Variants in PEX19 observed in about 807,000 individuals in gnomAD.
PEX19 encodes 33 kDa housekeeping protein.
A neutral mutation model predicts 36.3 loss-of-function variants in PEX19; 29 were observed. The observed-to-expected ratio is 0.80, with a 90% CI of 0.60 to 1.09. PEX19 has a LOEUF of 1.09. Ranked by LOEUF, PEX19 falls within the 50% of genes least tolerant of loss-of-function variation. PEX19 has a pLI of 0.00. For synonymous variants in PEX19, 141 were observed against 135.2 expected, an observed-to-expected ratio of 1.04 and a Z score of -0.30; for missense variants, 396 against 368.1, an observed-to-expected ratio of 1.08 and a Z score of -0.62.
chr1:160,282,364 G>A (rs1657806568), intron 4 of PEX19, 53 bp downstream of exon 4: 1 of 1,478,670 alleles, frequency 6.8e-7, no homozygotes, highest in Non-Finnish European at 9.5e-7. Flanking sequence ...AGACTCTGCT[G>A]GAGAAATGTC....
Position 160,277,988 on chromosome 1 carries a change from C to G in PEX19, c.*1563G>C, listed in dbSNP as rs757853391. The G allele has an allele frequency of 1.4e-6, 1 of 698,592 alleles. No individual in the cohort carries two copies. The highest frequency in any genetic ancestry group is 2.7e-5 in the East Asian group (1 of 37,024). 43.3% of individuals were successfully genotyped at this position (698,592 alleles called of 1,614,324 possible). ...ACCAATACCATAAAACATGTAAGGT[C>G]TTCAAGGGGTGAAAAGTTTTAACCT... On this transcript the variant is annotated 3_prime_UTR_variant, in exon 8 of 8. Transcript: ENST00000368072.
At position 160,279,206 on chromosome 1, in the gene PEX19, G is replaced by A. The variant is rs995771421; in HGVS notation, c.*345C>T. ...GAGACAAGGCACAAAGACCCTGGAC[G>A]TAAAGGTGAACATCAGTGTGGCCAC... On this transcript the variant is annotated 3_prime_UTR_variant, in exon 8 of 8. Transcript: ENST00000368072. 2.5e-5 allele frequency: 12 copies of A among 473,236 alleles called. No individual in the cohort carries two copies. Among genetic ancestry groups the A allele is most frequent in the Non-Finnish European group, 3.3e-5 (8 of 239,696 alleles). The allele number at this position is 473,236 out of a possible 1,614,324, so 29.3% of individuals were successfully genotyped here.
At chr1:160,284,567 A>C (rs1339971152) in intron 1 of PEX19, among the ~76,000 whole-genome samples, 1 of 152,234 alleles carries the variant, frequency 6.6e-6, no homozygotes, top group Admixed American at 6.5e-5. Context: ...AGAACTGTTA[A>C]GGGGCCTAAC....
In PEX19 at chr1:160,279,496, GCT is replaced by G. The variant is rs1295757231; in HGVS notation, c.*53_*54del. 7.0e-7 allele frequency: 1 copy of G among 1,419,520 alleles called. No homozygotes were observed. The highest frequency in any genetic ancestry group is 1.0e-6 in the Non-Finnish European group (1 of 1,003,714). 87.9% of individuals were successfully genotyped at this position (1,419,520 alleles called of 1,614,324 possible). A position where few individuals can be genotyped will look rare whatever the true frequency, so the allele number is the denominator to read the frequency against. On this transcript the variant is annotated 3_prime_UTR_variant, in exon 8 of 8. Transcript: ENST00000368072. ...TCCTGCCTCAGGTCCCAATGGTTCT[GCT>G]GACTCCAGATGTTCCCCATAGCTGG...
At chr1:160,283,460 GC>G in intron 2 of PEX19, 69 bp downstream of exon 2, 1 of 1,141,014 alleles carries the variant, frequency 8.8e-7, no homozygotes, top group Non-Finnish European at 1.3e-6. Flanking sequence ...GCCCATAGGG[GC>G]CTGCCCAACC....
rs1243733740 is a variant in PEX19 at position 160,282,402 on chromosome 1, C to A, written c.432+15G>T. On this transcript the variant is annotated intron_variant, in intron 4 of 7. Transcript: ENST00000368072. The stretch of plus-strand genomic sequence containing the variant: ...GGAGTGGACCCCTTGTGGGCCCCTA[C>A]TACTTTCTCCTCACCTGAAGGTCAG... 1.2e-6 allele frequency: 2 copies of A among 1,602,714 alleles called. No homozygotes were observed. Among genetic ancestry groups the A allele is most frequent in the East Asian group, 2.2e-5 (1 of 44,850 alleles).
intron 5 of PEX19, among the ~76,000 whole-genome samples, 185 bp downstream of exon 5, chr1:160,281,854 A>G (rs1657782534): frequency 6.6e-6 from 1 of 152,182 alleles, no homozygotes; most frequent in Non-Finnish European, 1.5e-5. Context: ...ATACCGTGTG[A>G]CAGCTTTATT....
At position 160,277,279 on chromosome 1, in the gene PEX19, G is replaced by A. The variant is rs1252738160; in HGVS notation, c.*2272C>T. Reference sequence around the variant, plus strand: ...AAAAACTTTTTAGCATTTCAATGTTGCTGTGATATCCAAGTACATGATCAA... The same window carrying A: ...AAAAACTTTTTAGCATTTCAATGTTACTGTGATATCCAAGTACATGATCAA... On this transcript the variant is annotated 3_prime_UTR_variant, in exon 8 of 8. Transcript: ENST00000368072. 2 of 455,532 alleles carry A rather than the reference G, an allele frequency of 4.4e-6. No individual in the cohort carries two copies. The highest frequency in any genetic ancestry group is 4.0e-5 in the African/African-American group (2 of 49,928). The allele number at this position is 455,532 out of a possible 1,614,324, so 28.2% of individuals were successfully genotyped here. A position where few individuals can be genotyped will look rare whatever the true frequency, so the allele number is the denominator to read the frequency against.
rs907000189 is a variant in PEX19 at position 160,280,258 on chromosome 1, G to A, written c.595-12C>T. ...AACCATTCTGGATACTAAGAAAAGA[G>A]AGAATGGGTGGAAAAGAATTAAGTG... On this transcript the variant is annotated splice_polypyrimidine_tract_variant and intron_variant, in intron 5 of 7. Transcript: ENST00000368072. 85 of 1,610,060 alleles carry A rather than the reference G, an allele frequency of 5.3e-5. No individual in the cohort carries two copies. Among genetic ancestry groups the A allele is most frequent in the Non-Finnish European group, 7.0e-5 (82 of 1,176,384 alleles).
Position 160,278,379 on chromosome 1 carries a change from G to A in PEX19, c.*1172C>T, listed in dbSNP as rs1337445231. ...GCAGACTGAGTTGTGGAAGGTGGGT[G>A]TTGATGGAACCCAGCATTACAATAT... On this transcript the variant is annotated 3_prime_UTR_variant, in exon 8 of 8. Transcript: ENST00000368072. 7 of 677,486 alleles carry A rather than the reference G, an allele frequency of 1.0e-5. No homozygotes were observed. Among genetic ancestry groups the A allele is most frequent in the Non-Finnish European group, 1.9e-5 (7 of 371,514 alleles). 42.0% of individuals were successfully genotyped at this position (677,486 alleles called of 1,614,324 possible). A position where few individuals can be genotyped will look rare whatever the true frequency, so the allele number is the denominator to read the frequency against.
Position 160,279,461 on chromosome 1 carries a change from C to G in PEX19, c.*90G>C, listed in dbSNP as rs757140919. ...GAGGGCAGCGGGCAGACTTCTCCCG[C>G]AGGTGACACTCCTGCCTCAGGTCCC... On this transcript the variant is annotated 3_prime_UTR_variant, in exon 8 of 8. Transcript: ENST00000368072. 1 of 1,042,134 alleles carries G rather than the reference C, an allele frequency of 9.6e-7. No individual in the cohort carries two copies. The highest frequency in any genetic ancestry group is 1.6e-5 in the African/African-American group (1 of 63,950). The allele number at this position is 1,042,134 out of a possible 1,614,324, so 64.6% of individuals were successfully genotyped here.
In PEX19 at chr1:160,278,138, T is replaced by C; in HGVS notation, c.*1413A>G. On this transcript the variant is annotated 3_prime_UTR_variant, in exon 8 of 8. Coordinates refer to ENST00000368072, the MANE Select transcript of PEX19 (RefSeq NM_002857.4). The stretch of plus-strand genomic sequence containing the variant: ...GCTGACCAGAGTACCTACCAACATA[T>C]GTCAGCCAAGGTCCGTAGACCCACT... The C allele has an allele frequency of 1.4e-6, 1 of 702,408 alleles. No homozygotes were observed. Among genetic ancestry groups the C allele is most frequent in the Middle Eastern group, 2.3e-4 (1 of 4,370 alleles). The allele number at this position is 702,408 out of a possible 1,614,324, so 43.5% of individuals were successfully genotyped here.
At chr1:160,284,031 C>G in intron 1 of PEX19, 7 of 470,294 alleles carry the variant, frequency 1.5e-5, no homozygotes, top group South Asian at 1.1e-4. Flanking sequence ...TCTGAACTCA[C>G]TCTGGAGCTC....
Position 160,278,186 on chromosome 1 carries a change from C to G in PEX19, c.*1365G>C, listed in dbSNP as rs963297622. 1.3e-5 allele frequency: 9 copies of G among 702,406 alleles called. No homozygotes were observed. The highest frequency in any genetic ancestry group is 1.6e-5 in the Non-Finnish European group (6 of 384,966). The allele number at this position is 702,406 out of a possible 1,614,324, so 43.5% of individuals were successfully genotyped here. On this transcript the variant is annotated 3_prime_UTR_variant, in exon 8 of 8. Coordinates refer to ENST00000368072, the MANE Select transcript of PEX19 (RefSeq NM_002857.4). ...ACTGGGAGCCACAGAAAAAAAGCCA[C>G]GTCAGCTTAAAGAAAAATAATTTAG...
chr1:160,284,911 G>C (rs553058060), intron 1 of PEX19, 144 bp downstream of exon 1: 7 of 726,512 alleles, frequency 9.6e-6, no homozygotes, highest in Middle Eastern at 4.9e-4. Context: ...GAGATTTTTG[G>C]GGGGCTCGGG....
In PEX19 at chr1:160,283,053, C is replaced by A. The variant is rs1657843571; in HGVS notation, c.237G>T (p.Leu79=). 3 of 1,614,018 alleles carry A rather than the reference C, an allele frequency of 1.9e-6. No individual in the cohort carries two copies. The Admixed American group carries it at 5.0e-5, about 27-fold the overall frequency. Residue 79 remains leucine (L), a synonymous_variant, in exon 3 of 8, where the codon CTG becomes CTT. Coordinates refer to ENST00000368072, the MANE Select transcript of PEX19 (RefSeq NM_002857.4). ...KFFQELFDSE[L]ASQATAEFEK... is the part of the protein sequence containing the mutation. Reference sequence around the variant, plus strand: ...CGAACTCCGCAGTGGCTTGGGAAGCCAGTTCACTGTCGAATAGTTCCTGGA... The same window carrying A: ...CGAACTCCGCAGTGGCTTGGGAAGCAAGTTCACTGTCGAATAGTTCCTGGA...
Position 160,283,112 on chromosome 1 carries a change from GC to G in PEX19, c.181-4del. On this transcript the variant is annotated splice_polypyrimidine_tract_variant and splice_region_variant and intron_variant, in intron 2 of 7. Coordinates refer to ENST00000368072, the MANE Select transcript of PEX19 (RefSeq NM_002857.4). ...TCTTGGGAAGCGAAGAGGGCATCCT[GC>G]GGGGGAAGGATGGCTGAAATGCGTC... The G allele has an allele frequency of 6.2e-7, 1 of 1,613,058 alleles. No individual in the cohort carries two copies. The highest frequency in any genetic ancestry group is 8.5e-7 in the Non-Finnish European group (1 of 1,179,930).
At chr1:160,281,735 A>G (rs1207427734) in intron 5 of PEX19, among the ~76,000 whole-genome samples, 1 of 152,214 alleles carries the variant, frequency 6.6e-6, no homozygotes, top group Admixed American at 6.5e-5. Flanking sequence ...GAAGTCAGAA[A>G]TGCAAGATTG....
At chr1:160,284,140 TG>T (rs1181299277) in intron 1 of PEX19, 1 of 471,752 alleles carries the variant, frequency 2.1e-6, no homozygotes, top group African/African-American at 2.0e-5. Context: ...CCAGACTCCA[TG>T]GTACGGCATT....
Sources: allele counts gnomAD v4.1 joint callset (sites outside exome capture counted in the v4.1 genomes callset), GRCh38; gene constraint gnomAD v4.1.1; transcripts MANE v1.5; gene names NCBI Gene and HGNC (gene_info 2026-07-23, HGNC 2026-07-21).